Variants in CCDC112 observed in about 807,000 individuals in gnomAD.
CCDC112 encodes coiled-coil domain containing 112.
A neutral mutation model predicts 66.3 loss-of-function variants in CCDC112; 40 were observed. That is an observed-to-expected ratio of 0.60 (90% confidence interval 0.47 to 0.79). The LOEUF is 0.79. Among genes scored for constraint, CCDC112 ranks in the 30% least tolerant of loss-of-function variants. The probability of loss-of-function intolerance (pLI) is 0.00; values close to 1 mark genes in which losing one functional copy is unlikely to be tolerated. For missense variants in CCDC112, 659 were observed against 603.8 expected (o/e 1.09, Z -0.96); for synonymous variants, 214 against 197.2 (o/e 1.09, Z -0.71).
At chr5:115,286,618 A>C (rs1471335928) in intron 1 of CCDC112, among the ~76,000 whole-genome samples, 1 of 152,046 alleles carries the variant, frequency 6.6e-6, no homozygotes, top group African/African-American at 2.4e-5. Context: ...ATTTTGAAAA[A>C]TTGGGTGGCA....
At chr5:115,280,835 C>T (rs1367700102) in intron 2 of CCDC112, among the ~76,000 whole-genome samples, 2 of 151,818 alleles carry the variant, frequency 1.3e-5, no homozygotes, top group African/African-American at 4.8e-5. Context: ...GCCATCATGC[C>T]CAGCCAAAAT....
Position 115,279,803 on chromosome 5 carries a change from C to T in CCDC112, c.240-35G>A, listed in dbSNP as rs949491404. On this transcript the variant is annotated intron_variant, in intron 2 of 9. Transcript: ENST00000379611. ...AAGAAACAAATAGTATAAATATGATCTAAATATATTTTTAATAGTTTAAAA... is the reference window on the plus strand; with the variant it reads ...AAGAAACAAATAGTATAAATATGATTTAAATATATTTTTAATAGTTTAAAA... 7 of 1,123,490 alleles carry T rather than the reference C, an allele frequency of 6.2e-6. No individual in the cohort carries two copies. In the African/African-American group the frequency reaches 7.9e-5, roughly 13 times the overall value. The allele number at this position is 1,123,490 out of a possible 1,614,324, so 69.6% of individuals were successfully genotyped here.
At chr5:115,274,853 A>G (rs1255785326) in intron 6 of CCDC112, among the ~76,000 whole-genome samples, 1 of 152,092 alleles carries the variant, frequency 6.6e-6, no homozygotes, top group Non-Finnish European at 1.5e-5. Flanking sequence ...CAATCCTCCC[A>G]CCTCAGCTTC....
intron 2 of CCDC112, chr5:115,280,582 T>A (rs565681531): frequency 6.6e-6 from 1 of 152,432 alleles, no homozygotes; most frequent in South Asian, 2.1e-4. Flanking sequence ...AGACAGGGTC[T>A]GGCTCTGTCA....
intron 1 of CCDC112, among the ~76,000 whole-genome samples, chr5:115,292,885 A>G (rs549900198): frequency 1.3e-5 from 2 of 152,308 alleles, no homozygotes; most frequent in East Asian, 3.9e-4. Context: ...CTATCTTAGT[A>G]TTTACTTTCT....
intron 2 of CCDC112, chr5:115,280,252 A>T (rs1019007392): frequency 1.9e-5 from 3 of 157,848 alleles, no homozygotes; most frequent in African/African-American, 7.2e-5. Flanking sequence ...TTCACATCAA[A>T]TGAGATAATA....
intron 2 of CCDC112, among the ~76,000 whole-genome samples, chr5:115,284,177 C>G (rs1401929612): frequency 6.6e-6 from 1 of 151,756 alleles, no homozygotes; most frequent in Non-Finnish European, 1.5e-5. Context: ...ATCACACCCA[C>G]ATATTCAAAT....
At chr5:115,287,313 G>A (rs1307779641) in intron 1 of CCDC112, among the ~76,000 whole-genome samples, 1 of 151,986 alleles carries the variant, frequency 6.6e-6, no homozygotes, top group Non-Finnish European at 1.5e-5. Context: ...TTGCTTATTG[G>A]CCACTTCTTT....
intron 4 of CCDC112, 23 bp downstream of exon 4, chr5:115,276,942 T>C (rs1308996498): frequency 7.7e-6 from 11 of 1,424,406 alleles, no homozygotes; most frequent in Non-Finnish European, 1.1e-5. Flanking sequence ...ATAAGAAAGA[T>C]TATAATATCT....
Position 115,282,947 on chromosome 5 carries a change from C to T in CCDC112, c.239+1840G>A, listed in dbSNP as rs1044561960. 4.6e-5 allele frequency among the ~76,000 whole-genome samples: 7 copies of T among 152,152 alleles called. No individual in the cohort carries two copies. In the East Asian group the frequency reaches 1.2e-3, roughly 25 times the overall value. On this transcript the variant is annotated intron_variant, in intron 2 of 9. Transcript: ENST00000379611. ...ATTCTTTCAGTGAGTTTTTCCAATG[C>T]CCTAAAACAGATGAAGAAGCCTTCT...
intron 6 of CCDC112, among the ~76,000 whole-genome samples, chr5:115,273,144 T>A (rs1210699913): frequency 6.6e-6 from 1 of 152,104 alleles, no homozygotes; most frequent in Non-Finnish European, 1.5e-5. Flanking sequence ...GTCAGTGAAA[T>A]CCTGAGGGAA....
chr5:115,268,506 C>T (rs1334360124), intron 9 of CCDC112, among the ~76,000 whole-genome samples: 5 of 151,926 alleles, frequency 3.3e-5, no homozygotes, highest in East Asian at 3.9e-4. Context: ...CTCCTGACTT[C>T]GTGATCCGTC....
chr5:115,296,383 C>T (rs760590083), intron 1 of CCDC112, 44 bp downstream of exon 1: 35 of 1,543,948 alleles, frequency 2.3e-5, no homozygotes, highest in Non-Finnish European at 2.9e-5. Context: ...GGCCTGCAGC[C>T]CCTCGCCTGC....
intron 1 of CCDC112, among the ~76,000 whole-genome samples, chr5:115,294,067 T>C (rs944405797): frequency 1.8e-4 from 28 of 152,152 alleles, no homozygotes; most frequent in African/African-American, 6.5e-4. Context: ...GAACAAATAA[T>C]ATACAAATAT....
intron 7 of CCDC112, among the ~76,000 whole-genome samples, chr5:115,270,343 T>A (rs1748944839): frequency 6.6e-6 from 1 of 152,210 alleles, no homozygotes; most frequent in African/African-American, 2.4e-5. Context: ...CTGCTATATA[T>A]TTTGATGCAC....
chr5:115,272,595 TAG>T lies in CCDC112; in HGVS notation c.919-971_919-970del, dbSNP rs1054214491. 3.7e-4 allele frequency among the ~76,000 whole-genome samples: 56 copies of T among 152,294 alleles called. 1 individual carries two copies. The highest frequency in any genetic ancestry group is 1.3e-3 in the African/African-American group (56 of 41,560). On this transcript the variant is annotated intron_variant, in intron 6 of 9. Coordinates refer to ENST00000379611, the MANE Select transcript of CCDC112 (RefSeq NM_001040440.3). ...TAAATAAATAAATAAAACAGCTCAA[TAG>T]CTACAGAGCTGTCTTTACATATGGG...
intron 1 of CCDC112, among the ~76,000 whole-genome samples, chr5:115,290,424 GTTC>G (rs1177640502): frequency 1.3e-5 from 2 of 152,090 alleles, no homozygotes; most frequent in East Asian, 3.8e-4. Flanking sequence ...CTTCAACTTT[GTTC>G]TTCTTTTTCA....
intron 2 of CCDC112, among the ~76,000 whole-genome samples, chr5:115,284,254 C>G (rs1239283364): frequency 1.3e-5 from 2 of 152,250 alleles, no homozygotes; most frequent in East Asian, 3.9e-4. Flanking sequence ...TGGAGCCAGC[C>G]TAAGAGTCCC....
chr5:115,285,477 G>A (rs1377206414), intron 1 of CCDC112, among the ~76,000 whole-genome samples: 3 of 152,104 alleles, frequency 2.0e-5, no homozygotes, highest in Admixed American at 2.0e-4. Flanking sequence ...GACAGGAGCA[G>A]TAGGAAAGTG....
Sources: gnomAD v4.1 joint callset for allele counts (sites outside exome capture counted in the v4.1 genomes callset) on GRCh38, gnomAD v4.1.1 for gene constraint, MANE v1.5 for transcripts, NCBI Gene and HGNC (gene_info 2026-07-23, HGNC 2026-07-21) for gene names.